FOXK1: variants seen among roughly 807,000 people sequenced by gnomAD.
FOXK1 encodes forkhead box K1, also known as forkhead box protein K1.
In FOXK1, 19 loss-of-function variants were observed where a neutral mutation model predicts 51.9. That is an observed-to-expected ratio of 0.37 (90% CI 0.26 to 0.54). FOXK1 has a LOEUF of 0.54. FOXK1 is among the 20% of genes least tolerant of loss of function. The probability of loss-of-function intolerance (pLI) is 0.87; values close to 1 mark genes in which losing one functional copy is unlikely to be tolerated. For missense variants in FOXK1, 870 were observed against 1,032.7 expected (o/e 0.84, Z 2.16); for synonymous variants, 537 against 482.6 (o/e 1.11, Z -1.48).
rs1256846555 is a variant in FOXK1, at chr7:4,709,714, T to A, written c.560+26846T>A. Among the ~76,000 whole-genome samples the A allele has an allele frequency of 6.6e-6, 1 of 152,230 alleles. No homozygotes were observed. The highest frequency in any genetic ancestry group is 1.5e-5 in the Non-Finnish European group (1 of 68,038). On this transcript the variant is annotated intron_variant, in intron 1 of 8. Coordinates refer to ENST00000328914, the MANE Select transcript of FOXK1 (RefSeq NM_001037165.2). This position sits in a 1 kb window ranked among gnomAD's most constrained non-coding sequence, Gnocchi z 5.6. ...TCAAATTGCGTTTTACGCCATTGGT[T>A]TGGACCCTGGAGCAGTGAAGTTCCA...
At chr7:4,684,647 ATGACAGGT>A (rs1321202405) in intron 1 of FOXK1, among the ~76,000 whole-genome samples, 2 of 152,078 alleles carry the variant, frequency 1.3e-5, no homozygotes, top group Non-Finnish European at 2.9e-5. Context: ...CAGTAAGAAA[ATGACAGGT>A]AGGCTCCCCA....
intron 1 of FOXK1, among the ~76,000 whole-genome samples, chr7:4,728,947 A>G (rs1780415791): frequency 6.6e-6 from 1 of 152,140 alleles, no homozygotes; most frequent in Non-Finnish European, 1.5e-5. Context: ...ATTACTGTGG[A>G]CAGCATTTTG....
In FOXK1 at chr7:4,730,306, T is replaced by C. The variant is rs1780433721; in HGVS notation, c.561-10532T>C. ...ACGGAGGGCCCAGAGCCGAGTACACTCGGCCAGGGTGAGTGATGGGCAGGC... is the reference window on the plus strand; with the variant it reads ...ACGGAGGGCCCAGAGCCGAGTACACCCGGCCAGGGTGAGTGATGGGCAGGC... On this transcript the variant is annotated intron_variant, in intron 1 of 8. Coordinates refer to ENST00000328914, the MANE Select transcript of FOXK1 (RefSeq NM_001037165.2). The surrounding 1 kb of genome is among the most constrained non-coding windows in gnomAD (Gnocchi z 4.7). 6.6e-6 allele frequency among the ~76,000 whole-genome samples: 1 copy of C among 152,106 alleles called. No individual in the cohort carries two copies.
Position 4,762,002 on chromosome 7 carries a change from G to A in FOXK1, c.1922-182G>A, listed in dbSNP as rs1305501032. Reference sequence around the variant, plus strand: ...GGCTGGAGCCAGCAGAGACAGGGCAGATGAGGTGGGGAGGGGACGGCAGGG... The same window carrying A: ...GGCTGGAGCCAGCAGAGACAGGGCAAATGAGGTGGGGAGGGGACGGCAGGG... On this transcript the variant is annotated intron_variant, in intron 8 of 8. Transcript: ENST00000328914. This position sits in a 1 kb window ranked among gnomAD's most constrained non-coding sequence, Gnocchi z 5.7. Among the ~76,000 whole-genome samples the A allele has an allele frequency of 5.3e-5, 8 of 152,274 alleles. No individual in the cohort carries two copies. Among genetic ancestry groups the A allele is most frequent in the East Asian group, 3.9e-4 (2 of 5,160 alleles).
rs1294236406 is a variant in FOXK1, at chr7:4,762,858, A to C, written c.*394A>C. The C allele has an allele frequency of 5.0e-6, 1 of 199,948 alleles. No homozygotes were observed. The highest frequency in any genetic ancestry group is 1.0e-5 in the Non-Finnish European group (1 of 97,062). 12.4% of individuals were successfully genotyped at this position (199,948 alleles called of 1,614,324 possible). A position where few individuals can be genotyped will look rare whatever the true frequency, so the allele number is the denominator to read the frequency against. On this transcript the variant is annotated 3_prime_UTR_variant, in exon 9 of 9. Coordinates refer to ENST00000328914, the MANE Select transcript of FOXK1 (RefSeq NM_001037165.2). The surrounding 1 kb of genome is among the most constrained non-coding windows in gnomAD (Gnocchi z 5.7). Reference sequence around the variant, plus strand: ...CGCCTTTGTCCGGGAGGACAGACAGAAACGCAGCAAGGCACACACCAAGGC... The same window carrying C: ...CGCCTTTGTCCGGGAGGACAGACAGCAACGCAGCAAGGCACACACCAAGGC...
Position 4,692,061 on chromosome 7 carries a change from A to C in FOXK1, c.560+9193A>C, listed in dbSNP as rs138288512. On this transcript the variant is annotated intron_variant, in intron 1 of 8. Transcript: ENST00000328914. Reference sequence around the variant, plus strand: ...GTTGACACTGACCGTATTAGAAATTAAAATATGCATATTTATTTATCTACT... The same window carrying C: ...GTTGACACTGACCGTATTAGAAATTCAAATATGCATATTTATTTATCTACT... Among the ~76,000 whole-genome samples the C allele has an allele frequency of 2.2e-3, 334 of 152,308 alleles. 4 individuals are homozygous for C. The highest frequency in any genetic ancestry group is 7.6e-3 in the African/African-American group (314 of 41,576).
In FOXK1 at chr7:4,749,022, G is replaced by C. The variant is rs770851128; in HGVS notation, c.747-5437G>C. On this transcript the variant is annotated intron_variant, in intron 2 of 8. Transcript: ENST00000328914. This position sits in a 1 kb window ranked among gnomAD's most constrained non-coding sequence, Gnocchi z 6.0. ...GCTTCTGGGACTGGCTGTGCCTGGC[G>C]GGCCTCTGAGCTGAGTCTCTCATGC... Among the ~76,000 whole-genome samples, 11 of 152,160 alleles carry C rather than the reference G, an allele frequency of 7.2e-5. No homozygotes were observed. The highest frequency in any genetic ancestry group is 2.7e-4 in the African/African-American group (11 of 41,440).
rs1479670780 is a variant in FOXK1 at position 4,703,229 on chromosome 7, TGGCAA to T, written c.560+20362_560+20366del. On this transcript the variant is annotated intron_variant, in intron 1 of 8. Transcript: ENST00000328914. This position sits in a 1 kb window ranked among gnomAD's most constrained non-coding sequence, Gnocchi z 5.6. ...CGAGGTCTAAGTTACAGGCAGGAGCTGGCAATGAGGAGTCAGGGAGACAGACCTCC... is the reference window on the plus strand; with the variant it reads ...CGAGGTCTAAGTTACAGGCAGGAGCTTGAGGAGTCAGGGAGACAGACCTCC... 1.3e-5 allele frequency among the ~76,000 whole-genome samples: 2 copies of T among 151,638 alleles called. No individual in the cohort carries two copies. The highest frequency in any genetic ancestry group is 2.9e-5 in the Non-Finnish European group (2 of 67,900).
At chr7:4,746,846 T>C (rs568388442) in intron 2 of FOXK1, among the ~76,000 whole-genome samples, 1 of 152,330 alleles carries the variant, frequency 6.6e-6, no homozygotes, top group South Asian at 2.1e-4. Flanking sequence ...GCAAATCCAG[T>C]GAGGGTCCCT....
At position 4,753,813 on chromosome 7, in the gene FOXK1, G is replaced by C. The variant is rs976257549; in HGVS notation, c.747-646G>C. Among the ~76,000 whole-genome samples the C allele has an allele frequency of 1.3e-5, 2 of 152,162 alleles. No homozygotes were observed. The highest frequency in any genetic ancestry group is 2.9e-5 in the Non-Finnish European group (2 of 68,024). On this transcript the variant is annotated intron_variant, in intron 2 of 8. Coordinates refer to ENST00000328914, the MANE Select transcript of FOXK1 (RefSeq NM_001037165.2). This position sits in a 1 kb window ranked among gnomAD's most constrained non-coding sequence, Gnocchi z 4.9. Reference sequence around the variant, plus strand: ...TCAACCCAGAGCCTCACCTGCAGCCGGGGGTGTCGGTCACTCCCAGCCATC... The same window carrying C: ...TCAACCCAGAGCCTCACCTGCAGCCCGGGGTGTCGGTCACTCCCAGCCATC...
At position 4,768,170 on chromosome 7, in the gene FOXK1, T is replaced by G. The variant is rs1428280854; in HGVS notation, c.*5706T>G. On this transcript the variant is annotated 3_prime_UTR_variant, in exon 9 of 9. Transcript: ENST00000328914. ...TTTTTTGAGACGGAGTCTCGCTCTG[T>G]CGCCCAGGCTGGAGTGCAGTGGCGT... is the stretch of plus-strand genomic sequence containing the variant. 7.9e-6 allele frequency: 1 copy of G among 127,248 alleles called. No homozygotes were observed. Among genetic ancestry groups the G allele is most frequent in the African/African-American group, 4.0e-5 (1 of 25,214 alleles). 7.9% of individuals were successfully genotyped at this position (127,248 alleles called of 1,614,324 possible). A position where few individuals can be genotyped will look rare whatever the true frequency, so the allele number is the denominator to read the frequency against.
Position 4,682,781 on chromosome 7 carries a change from T to G in FOXK1, c.473T>G (p.Phe158Cys). The stretch of plus-strand genomic sequence containing the variant: ...CAGCTCAGCTTCCAGGAGCCGCACT[T>G]CTACCTGCGCTGCCTCGGCAAGAAC... ...HLQLSFQEPH[F>C]YLRCLGKNGV... Residue 158 changes from phenylalanine to cysteine, a missense_variant, in exon 1 of 9, where the codon TTC (phenylalanine) becomes TGC (cysteine). Transcript: ENST00000328914. This position sits in a 1 kb window ranked among gnomAD's most constrained non-coding sequence, Gnocchi z 7.6. The G allele has an allele frequency of 1.9e-6, 3 of 1,593,858 alleles. No homozygotes were observed. The highest frequency in any genetic ancestry group is 2.6e-6 in the Non-Finnish European group (3 of 1,176,164).
At chr7:4,750,306 C>A (rs910928386) in intron 2 of FOXK1, among the ~76,000 whole-genome samples, 1 of 152,116 alleles carries the variant, frequency 6.6e-6, no homozygotes, top group African/African-American at 2.4e-5. Flanking sequence ...GGGGTACTTA[C>A]CCCAGAAGGA....
intron 1 of FOXK1, among the ~76,000 whole-genome samples, chr7:4,691,437 C>G (rs1405727131): frequency 6.6e-6 from 1 of 152,164 alleles, no homozygotes; most frequent in East Asian, 1.9e-4. Context: ...TGGGTTCAGG[C>G]GATTCTCCTG....
At chr7:4,759,018 C>T (rs1387203373) in intron 5 of FOXK1, 33 bp from the exon 6 acceptor site, 2 of 1,551,608 alleles carry the variant, frequency 1.3e-6, no homozygotes, top group African/African-American at 1.4e-5. Flanking sequence ...TCAGCGCGGG[C>T]GCTGACTGCC....
intron 5 of FOXK1, 32 bp downstream of exon 5, chr7:4,757,219 G>C (rs375352278): frequency 6.4e-7 from 1 of 1,553,438 alleles, no homozygotes; most frequent in Non-Finnish European, 8.7e-7. Flanking sequence ...TCCTCCAGCT[G>C]TTAGGAAAGC....
At position 4,722,706 on chromosome 7, in the gene FOXK1, C is replaced by G. The variant is rs1412993168; in HGVS notation, c.561-18132C>G. ...CGAGGAAGTCGTAGGAGACCCACCT[C>G]AGATGCTCGGGTGCACATCTGGGGA... On this transcript the variant is annotated intron_variant, in intron 1 of 8. Transcript: ENST00000328914. The surrounding 1 kb of genome is among the most constrained non-coding windows in gnomAD (Gnocchi z 5.1). Among the ~76,000 whole-genome samples, 1 of 152,244 alleles carries G rather than the reference C, an allele frequency of 6.6e-6. No individual in the cohort carries two copies. The highest frequency in any genetic ancestry group is 1.5e-5 in the Non-Finnish European group (1 of 68,048).
Position 4,747,133 on chromosome 7 carries a change from C to T in FOXK1, c.746+6110C>T, listed in dbSNP as rs1466744259. ...AATCTGTTGAAAGGACATCCCCACG[C>T]CCGCGTTTCCTGTAATCTCGGAGGG... is the stretch of plus-strand genomic sequence containing the variant. On this transcript the variant is annotated intron_variant, in intron 2 of 8. Coordinates refer to ENST00000328914, the MANE Select transcript of FOXK1 (RefSeq NM_001037165.2). This position sits in a 1 kb window ranked among gnomAD's most constrained non-coding sequence, Gnocchi z 9.2. 5.3e-5 allele frequency among the ~76,000 whole-genome samples: 8 copies of T among 152,196 alleles called. No individual in the cohort carries two copies. In the East Asian group the frequency reaches 1.5e-3, roughly 29 times the overall value.
intron 1 of FOXK1, among the ~76,000 whole-genome samples, chr7:4,684,482 ACC>A (rs1400558811): frequency 6.6e-6 from 1 of 152,168 alleles, no homozygotes; most frequent in Non-Finnish European, 1.5e-5. Context: ...CCTTTTTCTA[ACC>A]GTGCTGAAAG....
Sources: gnomAD v4.1 joint callset for allele counts (sites outside exome capture counted in the v4.1 genomes callset) on GRCh38, gnomAD v4.1.1 for gene constraint, Gnocchi (gnomAD v3.1) non-coding constraint, MANE v1.5 for transcripts, NCBI Gene and HGNC (gene_info 2026-07-23, HGNC 2026-07-21) for gene names.